The following MROH9 variants were observed in gnomAD, a reference collection of about 807,000 sequenced individuals.
MROH9 encodes maestro heat like repeat family member 9.
MROH9 carries 92 observed loss-of-function variants against 98.2 expected under a neutral mutation model. The observed-to-expected ratio is 0.94, with a 90% CI of 0.79 to 1.11. The LOEUF (loss-of-function observed/expected upper bound fraction) is 1.11. MROH9 is among the 50% of genes most tolerant of loss of function. The pLI, the probability that MROH9 is intolerant of heterozygous loss-of-function variation, is 0.00. For synonymous variants in MROH9, 397 were observed against 368.9 expected, an observed-to-expected ratio of 1.08 and a Z score of -0.87; for missense variants, 1,057 against 1,014.8, an observed-to-expected ratio of 1.04 and a Z score of -0.57.
chr1:170,969,704 C>CA (rs1221946746), intron 7 of MROH9, among the ~76,000 whole-genome samples: 1 of 151,974 alleles, frequency 6.6e-6, no homozygotes, highest in African/African-American at 2.4e-5. Context: ...GCCAGATCTA[C>CA]AAAGAAAGGG....
chr1:170,978,860 A>G (rs1433784081), intron 8 of MROH9, among the ~76,000 whole-genome samples: 1 of 151,896 alleles, frequency 6.6e-6, no homozygotes, highest in African/African-American at 2.4e-5. Context: ...GTCCCCACAG[A>G]CTCTCAAGAA....
intron 17 of MROH9, among the ~76,000 whole-genome samples, chr1:171,017,308 C>T (rs775105392): frequency 1.0e-3 from 157 of 152,186 alleles, no homozygotes; most frequent in Non-Finnish European, 1.5e-3. Context: ...GAAGGCAGAG[C>T]AGTGTGGTGT....
intron 20 of MROH9, among the ~76,000 whole-genome samples, chr1:171,060,914 A>C (rs927191231): frequency 6.6e-6 from 1 of 152,236 alleles, no homozygotes; most frequent in Non-Finnish European, 1.5e-5. Context: ...GTGTTAATTA[A>C]AAAACAAATG....
chr1:170,967,993 A>G (rs1650298198), intron 7 of MROH9, among the ~76,000 whole-genome samples: 1 of 152,216 alleles, frequency 6.6e-6, no homozygotes, highest in Non-Finnish European at 1.5e-5. Context: ...ATAAATACAC[A>G]GCAACAAAAA....
At chr1:171,045,197 T>C (rs1433689439) in intron 20 of MROH9, among the ~76,000 whole-genome samples, 1 of 151,678 alleles carries the variant, frequency 6.6e-6, no homozygotes, top group Non-Finnish European at 1.5e-5. Context: ...AGACGGGGTT[T>C]CATTGTGTTA....
chr1:171,019,891 A>C (rs1652457534), intron 17 of MROH9, among the ~76,000 whole-genome samples: 1 of 152,162 alleles, frequency 6.6e-6, no homozygotes, highest in Non-Finnish European at 1.5e-5. Context: ...TATAGAAAAA[A>C]AGAATGAATT....
chr1:171,024,256 T>C (rs987033309), intron 17 of MROH9, 139 bp from the exon 18 acceptor site: 20 of 525,750 alleles, frequency 3.8e-5, no homozygotes, highest in Non-Finnish European at 5.6e-5. Flanking sequence ...AAATTTCACA[T>C]AGTGTATGTA....
chr1:171,062,012 C>T, intron 20 of MROH9, 120 bp from the exon 21 acceptor site: 1 of 641,956 alleles, frequency 1.6e-6, no homozygotes, highest in Non-Finnish European at 2.8e-6. Flanking sequence ...TAAAAGATGA[C>T]TCAAGGATAA....
intron 20 of MROH9, among the ~76,000 whole-genome samples, chr1:171,026,279 CTT>C (rs113090622): frequency 2.1e-5 from 3 of 143,644 alleles, no homozygotes; most frequent in Admixed American, 7.0e-5. Context: ...ATTTTCTTTT[CTT>C]TTTTTTTTTT....
chr1:170,992,062 TA>T, intron 11 of MROH9, 101 bp from the exon 12 acceptor site: 1 of 1,287,108 alleles, frequency 7.8e-7, no homozygotes, highest in Non-Finnish European at 1.0e-6. Context: ...CTTTGCTATA[TA>T]AAAATGTAAA....
At chr1:171,013,781 T>C (rs546234590) in intron 15 of MROH9, among the ~76,000 whole-genome samples, 14 of 151,996 alleles carry the variant, frequency 9.2e-5, no homozygotes, top group African/African-American at 3.1e-4. Flanking sequence ...ACATACACTG[T>C]GAAGAAACTC....
At chr1:171,005,278 C>G (rs1487404991) in intron 15 of MROH9, among the ~76,000 whole-genome samples, 2 of 151,982 alleles carry the variant, frequency 1.3e-5, no homozygotes, top group Non-Finnish European at 2.9e-5. Flanking sequence ...ACAATGTTAC[C>G]CAGGTTGATC....
chr1:171,011,486 C>A (rs563300800), intron 15 of MROH9, among the ~76,000 whole-genome samples: 6 of 152,220 alleles, frequency 3.9e-5, no homozygotes, highest in Admixed American at 2.0e-4. Flanking sequence ...ATCTAGTTTT[C>A]CTTGACTTAC....
At chr1:170,970,768 G>C (rs989594243) in intron 7 of MROH9, among the ~76,000 whole-genome samples, 27 of 150,422 alleles carry the variant, frequency 1.8e-4, no homozygotes, top group Admixed American at 1.2e-3. Context: ...GAGAGAGAGA[G>C]ACAGAGTGGG....
chr1:171,010,564 G>T (rs978246197), intron 15 of MROH9, among the ~76,000 whole-genome samples: 3 of 152,254 alleles, frequency 2.0e-5, no homozygotes, highest in Middle Eastern at 3.4e-3. Flanking sequence ...GTGTAAAAGG[G>T]TTCCTATTTC....
At chr1:170,988,528 G>A (rs567159013) in intron 10 of MROH9, among the ~76,000 whole-genome samples, 1 of 152,262 alleles carries the variant, frequency 6.6e-6, no homozygotes, top group South Asian at 2.1e-4. Context: ...AACTAGATTT[G>A]TAAAACTAGC....
intron 20 of MROH9, among the ~76,000 whole-genome samples, chr1:171,057,350 T>C (rs1441811174): frequency 1.3e-5 from 2 of 151,806 alleles, no homozygotes; most frequent in Non-Finnish European, 2.9e-5. Flanking sequence ...ATCAACCAAG[T>C]GGAAGAAAGA....
intron 16 of MROH9, among the ~76,000 whole-genome samples, chr1:171,014,479 G>A (rs1478273758): frequency 1.4e-5 from 2 of 146,802 alleles, no homozygotes; most frequent in African/African-American, 5.1e-5. Context: ...TTTTTTTACA[G>A]AAAATCATTC....
chr1:170,948,997 G>A (rs1649445294), intron 3 of MROH9, among the ~76,000 whole-genome samples: 1 of 152,100 alleles, frequency 6.6e-6, no homozygotes, highest in African/African-American at 2.4e-5. Context: ...AGTGAAGGAA[G>A]CAGGATTAGG....
Sources: gnomAD v4.1 joint callset for allele counts (sites outside exome capture counted in the v4.1 genomes callset) on GRCh38, gnomAD v4.1.1 for gene constraint, MANE v1.5 for transcripts, NCBI Gene and HGNC (gene_info 2026-07-23, HGNC 2026-07-21) for gene names.